PCDHGA3: variants seen among roughly 807,000 people sequenced by gnomAD.
PCDHGA3 encodes protocadherin gamma subfamily A, 3.
In PCDHGA3, 40 loss-of-function variants were observed where a neutral mutation model predicts 58.5. That is an observed-to-expected ratio of 0.68 (90% confidence interval 0.53 to 0.89). PCDHGA3 has a LOEUF of 0.89. Ranked by LOEUF, PCDHGA3 falls within the 40% of genes least tolerant of loss-of-function variation. PCDHGA3 has a pLI of 0.00. For missense variants in PCDHGA3, 1,223 were observed against 1,195.9 expected (o/e 1.02, Z -0.33); for synonymous variants, 530 against 525.7 (o/e 1.01, Z -0.11).
At chr5:141,409,872 A>T in intron 1 of PCDHGA3, 1 of 1,612,828 alleles carries the variant, frequency 6.2e-7, no homozygotes. Context: ...GACCGCAATG[A>T]CAACGCACCG....
chr5:141,382,720 T>C (rs894143659), intron 1 of PCDHGA3: 7 of 480,002 alleles, frequency 1.5e-5, no homozygotes, highest in African/African-American at 1.4e-4. Flanking sequence ...AACCACCGAG[T>C]TTTACAGCAC....
chr5:141,365,305 C>A, intron 1 of PCDHGA3: 4 of 1,613,926 alleles, frequency 2.5e-6, no homozygotes, highest in Non-Finnish European at 3.4e-6. Context: ...AGGATGGAGG[C>A]GCTCTTGTTG....
chr5:141,396,631 A>C lies in PCDHGA3; in HGVS notation c.2424+50174A>C, dbSNP rs1471198116. 7 of 152,348 alleles carry C rather than the reference A, an allele frequency of 4.6e-5. No homozygotes were observed. The South Asian group carries it at 6.2e-4, about 14-fold the overall frequency. 9.4% of individuals were successfully genotyped at this position (152,348 alleles called of 1,614,324 possible). On this transcript the variant is annotated intron_variant, in intron 1 of 3. Transcript: ENST00000253812. ...TGAGACTCCGTCTCAAAAAAAAAAAAAACTAATATTAATAGTAAAAACTCG... is the reference window on the plus strand; with the variant it reads ...TGAGACTCCGTCTCAAAAAAAAAAACAACTAATATTAATAGTAAAAACTCG...
chr5:141,438,063 A>T (rs540817874), intron 1 of PCDHGA3, among the ~76,000 whole-genome samples: 1 of 152,106 alleles, frequency 6.6e-6, no homozygotes, highest in Non-Finnish European at 1.5e-5. Context: ...CTTTTAAGAA[A>T]CCATACTTAA....
At chr5:141,410,049 T>A in intron 1 of PCDHGA3, 1 of 1,613,184 alleles carries the variant, frequency 6.2e-7, no homozygotes, top group Admixed American at 1.7e-5. Flanking sequence ...GAGCCCGGAC[T>A]CTTCAGCCTG....
chr5:141,445,584 G>A lies in PCDHGA3; in HGVS notation c.2425-49223G>A, dbSNP rs540956709. ...AGAAAGCTTATAGTAGGGAAGCTTC[G>A]CCTAATCTGAAGGTCAAGGAAGGCT... On this transcript the variant is annotated intron_variant, in intron 1 of 3. Transcript: ENST00000253812. Among the ~76,000 whole-genome samples, 116 of 152,286 alleles carry A rather than the reference G, an allele frequency of 7.6e-4. 2 individuals are homozygous for A. Among genetic ancestry groups the A allele is most frequent in the Non-Finnish European group, 2.4e-4 (16 of 68,024 alleles).
intron 1 of PCDHGA3, chr5:141,391,114 A>G (rs2092301730): frequency 6.6e-6 from 1 of 152,176 alleles, no homozygotes; most frequent in African/African-American, 2.4e-5. Context: ...TAATATAGCT[A>G]GAGGTCTTCT....
chr5:141,415,845 A>G, intron 1 of PCDHGA3: 1 of 1,246,436 alleles, frequency 8.0e-7, no homozygotes, highest in Non-Finnish European at 1.0e-6. Flanking sequence ...TTAGCTTTGC[A>G]GAACCTTGTA....
chr5:141,405,840 A>ATATCAGTGT (rs2094725824), intron 1 of PCDHGA3, among the ~76,000 whole-genome samples: 1 of 152,188 alleles, frequency 6.6e-6, no homozygotes, highest in Non-Finnish European at 1.5e-5. Context: ...GTATAAGTTG[A>ATATCAGTGT]TATCAGTGTG....
chr5:141,422,355 T>A, intron 1 of PCDHGA3: 1 of 1,557,416 alleles, frequency 6.4e-7, no homozygotes, highest in Non-Finnish European at 8.6e-7. Flanking sequence ...AAGATCAAGA[T>A]TCTGGAGAAA....
chr5:141,424,100 G>A (rs1362239131), intron 1 of PCDHGA3: 1 of 832,456 alleles, frequency 1.2e-6, no homozygotes, highest in East Asian at 1.2e-4. Flanking sequence ...TGCTATTACT[G>A]CTAATGTTCA....
chr5:141,474,703 C>A (rs2099353282), intron 1 of PCDHGA3, among the ~76,000 whole-genome samples: 1 of 152,188 alleles, frequency 6.6e-6, no homozygotes, highest in African/African-American at 2.4e-5. Flanking sequence ...GTTCAAGGTT[C>A]TATTATACTT....
At chr5:141,376,807 C>T in intron 1 of PCDHGA3, 1 of 328,760 alleles carries the variant, frequency 3.0e-6, no homozygotes, top group Admixed American at 4.7e-5. Context: ...CTGCCTCAGC[C>T]TCCCTAGTAG....
chr5:141,501,288 T>TATACACATAC (rs201660636), intron 2 of PCDHGA3, among the ~76,000 whole-genome samples: 2 of 81,228 alleles, frequency 2.5e-5, no homozygotes, highest in African/African-American at 9.9e-5. Flanking sequence ...GATATTCCCT[T>TATACACATAC]ATACACACAC....
chr5:141,422,996 C>G lies in PCDHGA3; in HGVS notation c.2425-71811C>G. 1.2e-6 allele frequency: 2 copies of G among 1,614,224 alleles called. No homozygotes were observed. The highest frequency in any genetic ancestry group is 1.7e-6 in the Non-Finnish European group (2 of 1,180,046). On this transcript the variant is annotated intron_variant, in intron 1 of 3. Coordinates refer to ENST00000253812, the MANE Select transcript of PCDHGA3 (RefSeq NM_018916.4). ...TCTGCGGAACCTGGCTACCTGGTGA[C>G]CAAGGTGGTTGCGGTGGACAAAGAT...
At chr5:141,393,023 T>C (rs372159245) in intron 1 of PCDHGA3, 52 of 1,613,550 alleles carry the variant, frequency 3.2e-5, no homozygotes, top group Non-Finnish European at 4.3e-5. Flanking sequence ...TCTCCAGAGG[T>C]AGGACGCAGC....
intron 2 of PCDHGA3, 58 bp downstream of exon 2, chr5:141,494,923 G>T: frequency 6.2e-7 from 1 of 1,613,698 alleles, no homozygotes; most frequent in Non-Finnish European, 8.5e-7. Context: ...CAGGGATGAC[G>T]TGGGAGGAGA....
chr5:141,410,945 C>A, intron 1 of PCDHGA3: 1 of 192,458 alleles, frequency 5.2e-6, no homozygotes, highest in Non-Finnish European at 1.0e-5. Context: ...CCTCCGCCTT[C>A]TGGGTTCAAG....
intron 1 of PCDHGA3, chr5:141,388,506 T>C: frequency 6.2e-7 from 1 of 1,613,870 alleles, no homozygotes; most frequent in Non-Finnish European, 8.5e-7. Flanking sequence ...GCAGAAATCC[T>C]ACCACTTGAC....
Sources: allele counts gnomAD v4.1 joint callset (sites outside exome capture counted in the v4.1 genomes callset), GRCh38; gene constraint gnomAD v4.1.1; transcripts MANE v1.5; gene names NCBI Gene and HGNC (gene_info 2026-07-23, HGNC 2026-07-21).